The following ADCY8 variants were observed in gnomAD, a reference collection of about 807,000 sequenced individuals.
ADCY8 encodes the protein adenylate cyclase type 8.
In ADCY8, 51 loss-of-function variants were observed where a neutral mutation model predicts 119.7. The observed-to-expected ratio is 0.43, with a 90% CI of 0.34 to 0.54. ADCY8 has a LOEUF of 0.54. ADCY8 is among the 20% of genes least tolerant of loss of function. The pLI is 0.03. For missense variants in ADCY8, 1,383 were observed against 1,598.8 expected (o/e 0.87, Z 2.30); for synonymous variants, 665 against 651.0 (o/e 1.02, Z -0.33).
intron 12 of ADCY8, among the ~76,000 whole-genome samples, chr8:130,833,800 A>G (rs548084662): frequency 2.0e-5 from 3 of 152,244 alleles, no homozygotes; most frequent in African/African-American, 4.8e-5. Context: ...TGTTGACAAA[A>G]CTGCATGTTA....
At chr8:130,906,393 A>G (rs747831000) in intron 6 of ADCY8, among the ~76,000 whole-genome samples, 1 of 152,152 alleles carries the variant, frequency 6.6e-6, no homozygotes, top group African/African-American at 2.4e-5. Flanking sequence ...CCCTTTTAGC[A>G]TTTCTCTGGA....
intron 2 of ADCY8, among the ~76,000 whole-genome samples, chr8:130,971,315 G>A (rs1354061028): frequency 6.6e-6 from 1 of 152,154 alleles, no homozygotes; most frequent in African/African-American, 2.4e-5. Flanking sequence ...TGCTGAGAAG[G>A]AACCTCTTAC....
At chr8:131,017,932 A>C (rs1029551778) in intron 1 of ADCY8, among the ~76,000 whole-genome samples, 8 of 152,228 alleles carry the variant, frequency 5.3e-5, no homozygotes, top group African/African-American at 1.7e-4. Context: ...GATAAGCACC[A>C]ACATCTGATA....
At chr8:131,010,074 G>A (rs141436416) in intron 1 of ADCY8, among the ~76,000 whole-genome samples, 31 of 152,302 alleles carry the variant, frequency 2.0e-4, no homozygotes, top group Non-Finnish European at 3.5e-4. Context: ...AGCTTAGATA[G>A]CTCACCTAAC....
intron 7 of ADCY8, among the ~76,000 whole-genome samples, chr8:130,888,383 A>T (rs1448991397): frequency 6.6e-6 from 1 of 152,102 alleles, no homozygotes. Context: ...TTATAAATAA[A>T]TAATGCTATT....
intron 1 of ADCY8, among the ~76,000 whole-genome samples, chr8:130,994,445 G>T (rs1822702085): frequency 6.6e-6 from 1 of 152,166 alleles, no homozygotes; most frequent in Admixed American, 6.5e-5. Context: ...GCTCTGATAG[G>T]GGTTCTTTTG....
At chr8:130,793,234 G>A (rs1815477864) in intron 15 of ADCY8, among the ~76,000 whole-genome samples, 1 of 152,164 alleles carries the variant, frequency 6.6e-6, no homozygotes, top group Admixed American at 6.5e-5. Context: ...TCTCCTCCAG[G>A]CCTCTCAGTA....
intron 5 of ADCY8, among the ~76,000 whole-genome samples, chr8:130,917,638 CG>C (rs1477063607): frequency 6.6e-6 from 1 of 152,132 alleles, no homozygotes; most frequent in Non-Finnish European, 1.5e-5. Flanking sequence ...AGCAGCTGTG[CG>C]CCAAGTCAGC....
intron 11 of ADCY8, among the ~76,000 whole-genome samples, chr8:130,838,775 A>C (rs892393705): frequency 7.1e-6 from 1 of 141,504 alleles, no homozygotes; most frequent in African/African-American, 2.4e-5. Flanking sequence ...AATTCAAAGG[A>C]GAGTAAGAGA....
chr8:130,994,541 A>G (rs1822705820), intron 1 of ADCY8, among the ~76,000 whole-genome samples: 1 of 152,168 alleles, frequency 6.6e-6, no homozygotes, highest in Admixed American at 6.5e-5. Context: ...TTTTGGTGCA[A>G]AAAGTTTTGA....
rs71304399 is a variant in ADCY8 at position 130,920,144 on chromosome 8, T to TAAA, written c.1482-10281_1482-10279dup. On this transcript the variant is annotated intron_variant, in intron 5 of 17. Coordinates refer to ENST00000286355, the MANE Select transcript of ADCY8 (RefSeq NM_001115.3). The stretch of plus-strand genomic sequence containing the variant: ...GGTGACAGAACGAGACTCCGTTTCT[T>TAAA]AAAAAAAAAAAAAAAAAAAAAAAAG... 5.4e-3 allele frequency among the ~76,000 whole-genome samples: 543 copies of TAAA among 99,770 alleles called. 9 individuals carry two copies. Among genetic ancestry groups the TAAA allele is most frequent in the South Asian group, 0.031 (74 of 2,426 alleles). 65.5% of individuals were successfully genotyped at this position (99,770 alleles called of 152,430 possible).
intron 14 of ADCY8, among the ~76,000 whole-genome samples, chr8:130,813,015 T>A (rs1487922386): frequency 1.3e-5 from 2 of 151,356 alleles, no homozygotes; most frequent in Non-Finnish European, 2.9e-5. Flanking sequence ...TGGCACAATC[T>A]CAACTCACTG....
intron 2 of ADCY8, among the ~76,000 whole-genome samples, chr8:130,978,410 C>T (rs1455352864): frequency 1.3e-5 from 2 of 152,070 alleles, no homozygotes; most frequent in Non-Finnish European, 2.9e-5. Flanking sequence ...CAAAAACTAG[C>T]CTCTAATTTA....
intron 2 of ADCY8, among the ~76,000 whole-genome samples, chr8:130,961,191 C>A (rs951197205): frequency 6.6e-6 from 1 of 152,106 alleles, no homozygotes. Context: ...TTCACTGCAA[C>A]CTCTGCCTCT....
chr8:130,907,701 C>T (rs1166336759), intron 6 of ADCY8, among the ~76,000 whole-genome samples: 1 of 152,194 alleles, frequency 6.6e-6, no homozygotes, highest in Non-Finnish European at 1.5e-5. Context: ...AACTCAGTCA[C>T]TTTTCTGTTT....
At chr8:130,913,226 A>G (rs943808209) in intron 5 of ADCY8, among the ~76,000 whole-genome samples, 3 of 152,136 alleles carry the variant, frequency 2.0e-5, no homozygotes, top group Admixed American at 6.5e-5. Flanking sequence ...CTATTTTAAA[A>G]TGTACAATCA....
rs541869540 is a variant in ADCY8, at chr8:130,964,496, A to G, written c.1111-12498T>C. Among the ~76,000 whole-genome samples the G allele has an allele frequency of 3.4e-4, 52 of 152,370 alleles. 1 individual carries two copies. In the South Asian group the frequency reaches 8.3e-3, roughly 24 times the overall value. ...ATAGGAAAAGAGAGATGCCCTTTGC[A>G]TGATAATGAAATCAAATACTTTGGG... On this transcript the variant is annotated intron_variant, in intron 2 of 17. Transcript: ENST00000286355.
chr8:130,910,696 A>T (rs1289138736), intron 5 of ADCY8, among the ~76,000 whole-genome samples: 1 of 152,232 alleles, frequency 6.6e-6, no homozygotes, highest in Non-Finnish European at 1.5e-5. Context: ...CCAACATTTG[A>T]TATATAGATT....
At chr8:130,940,405 T>C (rs568176408) in intron 4 of ADCY8, among the ~76,000 whole-genome samples, 19 of 152,254 alleles carry the variant, frequency 1.2e-4, no homozygotes, top group African/African-American at 4.6e-4. Flanking sequence ...ACGTCCAGGG[T>C]TTGTTATTCT....
Sources: allele counts gnomAD v4.1 joint callset (sites outside exome capture counted in the v4.1 genomes callset), GRCh38; gene constraint gnomAD v4.1.1; transcripts MANE v1.5; gene names NCBI Gene and HGNC (gene_info 2026-07-23, HGNC 2026-07-21).